The following LRP1B variants were observed in gnomAD, a reference collection of about 807,000 sequenced individuals.
LRP1B encodes the protein LDL receptor related protein 1B, also known as low-density lipoprotein receptor-related protein 1B.
A neutral mutation model predicts 556.6 loss-of-function variants in LRP1B; 217 were observed. That is an observed-to-expected ratio of 0.39 (90% confidence interval 0.35 to 0.44). LRP1B has a LOEUF of 0.44. LRP1B is among the 20% of genes least tolerant of loss of function. The pLI is 1.00. For synonymous variants in LRP1B, 2,047 were observed against 1,865.8 expected (o/e 1.10, Z -2.50); for missense variants, 5,053 against 5,620.8 (o/e 0.90, Z 3.23).
At chr2:141,520,082 G>A (rs182713918) in intron 2 of LRP1B, among the ~76,000 whole-genome samples, 3 of 152,254 alleles carry the variant, frequency 2.0e-5, no homozygotes. Context: ...GCAACAACGA[G>A]GCCAGTGTAG....
intron 1 of LRP1B, among the ~76,000 whole-genome samples, chr2:142,107,669 C>T (rs1036586662): frequency 1.3e-5 from 2 of 151,852 alleles, no homozygotes; most frequent in Non-Finnish European, 2.9e-5. Flanking sequence ...GCTCTGTTTC[C>T]CAGGCTGAAG....
chr2:140,929,197 A>G (rs980615524), intron 20 of LRP1B, among the ~76,000 whole-genome samples: 1 of 152,084 alleles, frequency 6.6e-6, no homozygotes, highest in Non-Finnish European at 1.5e-5. Flanking sequence ...AAGATTTCAG[A>G]ATAGTGATTA....
At chr2:140,529,541 A>C (rs1690596258) in intron 47 of LRP1B, among the ~76,000 whole-genome samples, 1 of 151,900 alleles carries the variant, frequency 6.6e-6, no homozygotes, top group African/African-American at 2.4e-5. Flanking sequence ...AGGGTGCACA[A>C]ATCTAGAAGG....
In LRP1B at chr2:141,005,374, C is replaced by T. The variant is rs186583868; in HGVS notation, c.2464G>A (p.Asp822Asn). ...IPGGRVCACA[D>N]NQLLDENGTT... ...CCATTTTCATCCAAAAGTTGATTATCGGCACAAGCACACACCCGGCCTCCT... is the reference window on the plus strand; with the variant it reads ...CCATTTTCATCCAAAAGTTGATTATTGGCACAAGCACACACCCGGCCTCCT... The change falls in exon 15 of 91, where the codon GAT becomes AAT. Residue 822 changes from aspartate (D) to asparagine (N), a missense_variant. Coordinates refer to ENST00000389484, the MANE Select transcript of LRP1B (RefSeq NM_018557.3). The T allele has an allele frequency of 3.2e-5, 52 of 1,610,204 alleles. No individual in the cohort carries two copies. Among genetic ancestry groups the T allele is most frequent in the Middle Eastern group, 1.7e-4 (1 of 6,042 alleles).
At chr2:141,266,381 T>C (rs2105360491) in intron 3 of LRP1B, among the ~76,000 whole-genome samples, 1 of 151,988 alleles carries the variant, frequency 6.6e-6, no homozygotes, top group Middle Eastern at 3.4e-3. Flanking sequence ...ATGCTCATGT[T>C]CCCTTCTTCT....
intron 6 of LRP1B, among the ~76,000 whole-genome samples, chr2:141,189,264 T>C (rs1196302080): frequency 6.6e-6 from 1 of 151,846 alleles, no homozygotes; most frequent in African/African-American, 2.4e-5. Flanking sequence ...CTATGTGAGG[T>C]ATGCAAAATT....
intron 7 of LRP1B, among the ~76,000 whole-genome samples, chr2:141,175,627 A>C (rs1322681844): frequency 1.3e-5 from 2 of 152,158 alleles, no homozygotes; most frequent in African/African-American, 4.8e-5. Flanking sequence ...GCAGGACTGG[A>C]GCCCTCATGG....
At chr2:141,450,548 T>C (rs1220539968) in intron 3 of LRP1B, among the ~76,000 whole-genome samples, 1 of 151,614 alleles carries the variant, frequency 6.6e-6, no homozygotes, top group Non-Finnish European at 1.5e-5. Context: ...AGAATCCTAT[T>C]TTTAAAAAAA....
rs72979084 is a variant in LRP1B, at chr2:141,363,830, A to C, written c.344-109189T>G. Among the ~76,000 whole-genome samples the C allele has an allele frequency of 6.2e-3, 945 of 152,294 alleles. 13 individuals carry two copies. Among genetic ancestry groups the C allele is most frequent in the African/African-American group, 0.021 (878 of 41,582 alleles). Reference sequence around the variant, plus strand: ...CTATAAATATGTTTTCTAAACAAAGATATATTCAGCATAAATTCTTTTCAA... The same window carrying C: ...CTATAAATATGTTTTCTAAACAAAGCTATATTCAGCATAAATTCTTTTCAA... On this transcript the variant is annotated intron_variant, in intron 3 of 90. Coordinates refer to ENST00000389484, the MANE Select transcript of LRP1B (RefSeq NM_018557.3).
At chr2:142,006,659 T>A (rs1025073358) in intron 1 of LRP1B, among the ~76,000 whole-genome samples, 1 of 152,152 alleles carries the variant, frequency 6.6e-6, no homozygotes, top group Non-Finnish European at 1.5e-5. Flanking sequence ...AGCTGAAAGG[T>A]TTGGTTAAAT....
intron 35 of LRP1B, among the ~76,000 whole-genome samples, chr2:140,740,312 A>G (rs1206417033): frequency 6.6e-6 from 1 of 152,226 alleles, no homozygotes; most frequent in East Asian, 1.9e-4. Context: ...GTATATGTGT[A>G]TGATGGAATA....
intron 41 of LRP1B, among the ~76,000 whole-genome samples, chr2:140,655,686 C>T (rs1038906296): frequency 7.2e-5 from 11 of 152,126 alleles, no homozygotes; most frequent in African/African-American, 2.4e-4. Context: ...CTCACGCCTG[C>T]AATCCCAGCA....
intron 1 of LRP1B, among the ~76,000 whole-genome samples, chr2:141,910,555 A>G (rs1383367061): frequency 6.6e-6 from 1 of 152,056 alleles, no homozygotes; most frequent in Non-Finnish European, 1.5e-5. Context: ...CTGGCTACTT[A>G]TTATACTGCA....
intron 3 of LRP1B, among the ~76,000 whole-genome samples, chr2:141,440,866 C>CA (rs1472914335): frequency 6.6e-6 from 1 of 152,132 alleles, no homozygotes; most frequent in Admixed American, 6.5e-5. Context: ...CCCATCCCTC[C>CA]ACCACACACA....
intron 43 of LRP1B, among the ~76,000 whole-genome samples, chr2:140,543,527 A>G (rs1482919118): frequency 6.6e-6 from 1 of 151,994 alleles, no homozygotes; most frequent in Non-Finnish European, 1.5e-5. Context: ...CAATACATGC[A>G]GAAAAACCAT....
At chr2:141,031,548 G>A (rs1006195965) in intron 11 of LRP1B, among the ~76,000 whole-genome samples, 9 of 151,726 alleles carry the variant, frequency 5.9e-5, no homozygotes, top group Non-Finnish European at 1.0e-4. Context: ...CTATATAGGC[G>A]ACTTGCCAAA....
At chr2:141,791,011 T>G in intron 2 of LRP1B, among the ~76,000 whole-genome samples, 1 of 152,134 alleles carries the variant, frequency 6.6e-6, no homozygotes, top group African/African-American at 2.4e-5. Context: ...CCCCATCTTT[T>G]TAAATGGTAT....
intron 2 of LRP1B, among the ~76,000 whole-genome samples, chr2:141,594,683 G>C (rs1294389183): frequency 6.6e-6 from 1 of 152,090 alleles, no homozygotes; most frequent in Non-Finnish European, 1.5e-5. Flanking sequence ...ACATTGATCA[G>C]ATAGCCAGTC....
In LRP1B at chr2:142,031,157, A is replaced by G. The variant is rs1159594837; in HGVS notation, c.82+99491T>C. Among the ~76,000 whole-genome samples, 3 of 151,734 alleles carry G rather than the reference A, an allele frequency of 2.0e-5. No homozygotes were observed. The South Asian group carries it at 6.2e-4, about 31-fold the overall frequency. On this transcript the variant is annotated intron_variant, in intron 1 of 90. Coordinates refer to ENST00000389484, the MANE Select transcript of LRP1B (RefSeq NM_018557.3). ...TTTCTGTGTTAACTTTCCTCATTAT[A>G]TAATATGATATAGCTTTCTTTCTTC... is the stretch of plus-strand genomic sequence containing the variant.
Sources: gnomAD v4.1 joint callset for allele counts (sites outside exome capture counted in the v4.1 genomes callset) on GRCh38, gnomAD v4.1.1 for gene constraint, MANE v1.5 for transcripts, NCBI Gene and HGNC (gene_info 2026-07-23, HGNC 2026-07-21) for gene names.